FGF12: variants seen among roughly 807,000 people sequenced by gnomAD.
FGF12 encodes fibroblast growth factor 12.
FGF12 carries 14 observed loss-of-function variants against 23.6 expected under a neutral mutation model. That is an observed-to-expected ratio of 0.59 (90% CI 0.39 to 0.93). FGF12 has a LOEUF of 0.93. FGF12 is among the 40% of genes least tolerant of loss of function. FGF12 has a pLI of 0.00. For missense variants in FGF12, 175 were observed against 217.8 expected, an observed-to-expected ratio of 0.80 and a Z score of 1.24; for synonymous variants, 62 against 77.3, an observed-to-expected ratio of 0.80 and a Z score of 1.04.
intron 4 of FGF12, among the ~76,000 whole-genome samples, chr3:192,203,045 T>C (rs184047938): frequency 1.3e-5 from 2 of 152,256 alleles, no homozygotes; most frequent in East Asian, 3.9e-4. Flanking sequence ...TTTCAAAAAC[T>C]TCAGTCTATA....
chr3:192,678,862 C>A (rs1217477973), intron 2 of FGF12, among the ~76,000 whole-genome samples: 1 of 152,100 alleles, frequency 6.6e-6, no homozygotes, highest in Non-Finnish European at 1.5e-5. Context: ...ATGTGGAAGA[C>A]CTGGAATTCA....
intron 2 of FGF12, among the ~76,000 whole-genome samples, chr3:192,595,731 A>T (rs1713814779): frequency 6.6e-6 from 1 of 152,206 alleles, no homozygotes; most frequent in South Asian, 2.1e-4. Flanking sequence ...TTGGTAGATT[A>T]GAAGGCATTT....
chr3:192,315,533 T>C (rs1014605385), intron 4 of FGF12, among the ~76,000 whole-genome samples: 2 of 152,154 alleles, frequency 1.3e-5, no homozygotes, highest in African/African-American at 4.8e-5. Context: ...GTGAGTTATA[T>C]AAGGAGATAG....
chr3:192,224,482 C>A (rs569646194), intron 4 of FGF12, among the ~76,000 whole-genome samples: 1 of 152,026 alleles, frequency 6.6e-6, no homozygotes, highest in Admixed American at 6.6e-5. Flanking sequence ...TCTCTTAGAT[C>A]TGCCATTTTA....
rs999909203 is a variant in FGF12 at position 192,673,258 on chromosome 3, G to C, written c.13+53923C>G. The C allele has an allele frequency of 8.6e-5, 13 of 150,930 alleles. 3 individuals carry two copies. Among genetic ancestry groups the C allele is most frequent in the Non-Finnish European group, 1.9e-4 (13 of 67,438 alleles). The allele number at this position is 150,930 out of a possible 1,614,324, so 9.3% of individuals were successfully genotyped here. ...AGCATTAGAAAGGGGCAACCACAAA[G>C]AGGCCTGTGGTGCTGGCAAGAAAAA... On this transcript the variant is annotated intron_variant, in intron 2 of 5. Coordinates refer to ENST00000445105, the MANE Select transcript of FGF12 (RefSeq NM_004113.6).
chr3:192,275,856 C>T (rs1242851148), intron 4 of FGF12, among the ~76,000 whole-genome samples: 1 of 152,154 alleles, frequency 6.6e-6, no homozygotes, highest in African/African-American at 2.4e-5. Flanking sequence ...CCACATTGTT[C>T]AGATAACTCC....
At chr3:192,639,425 A>G (rs2108663054) in intron 2 of FGF12, among the ~76,000 whole-genome samples, 1 of 152,392 alleles carries the variant, frequency 6.6e-6, no homozygotes, top group Non-Finnish European at 1.5e-5. Flanking sequence ...TAGAATTACC[A>G]CAAGACCCAG....
chr3:192,602,685 T>C (rs1210608627), intron 2 of FGF12, among the ~76,000 whole-genome samples: 6 of 150,658 alleles, frequency 4.0e-5, no homozygotes, highest in Non-Finnish European at 8.9e-5. Context: ...TGTTTATGAG[T>C]ATCTGGCACT....
intron 2 of FGF12, among the ~76,000 whole-genome samples, chr3:192,573,665 CT>C (rs1335100215): frequency 1.3e-5 from 2 of 152,040 alleles, no homozygotes; most frequent in East Asian, 1.9e-4. Flanking sequence ...TAAAAATCTC[CT>C]ATTGGTTCCA....
chr3:192,434,553 G>A (rs990373975), intron 2 of FGF12, among the ~76,000 whole-genome samples: 9 of 152,170 alleles, frequency 5.9e-5, no homozygotes, highest in Non-Finnish European at 1.2e-4. Context: ...GTATGTGTGT[G>A]TGTGCATGTG....
intron 4 of FGF12, among the ~76,000 whole-genome samples, chr3:192,200,761 T>C (rs565984417): frequency 6.6e-6 from 1 of 152,358 alleles, no homozygotes; most frequent in South Asian, 2.1e-4. Context: ...CTCGACTCTT[T>C]ACAGCACCAT....
chr3:192,493,814 ACCACCCCCGTGAT>A (rs1049452055), intron 2 of FGF12, among the ~76,000 whole-genome samples: 1 of 151,684 alleles, frequency 6.6e-6, no homozygotes, highest in African/African-American at 2.4e-5. Flanking sequence ...ATCAGGAAAA[ACCACCCCCGTGAT>A]CCAATCACCT....
intron 4 of FGF12, among the ~76,000 whole-genome samples, chr3:192,259,757 C>T (rs575261814): frequency 5.3e-5 from 8 of 152,088 alleles, no homozygotes; most frequent in African/African-American, 1.7e-4. Context: ...GTTCTTACCA[C>T]AAAATAGTGG....
chr3:192,164,974 C>T (rs1040125384), intron 5 of FGF12, among the ~76,000 whole-genome samples: 1 of 151,938 alleles, frequency 6.6e-6, no homozygotes, highest in African/African-American at 2.4e-5. Context: ...ATTTTTGGGA[C>T]AGAATCTTTC....
chr3:192,438,967 C>G (rs946897946), intron 2 of FGF12, among the ~76,000 whole-genome samples: 1 of 152,196 alleles, frequency 6.6e-6, no homozygotes, highest in Non-Finnish European at 1.5e-5. Context: ...CCCACCTTGT[C>G]CTGAACTGCA....
intron 3 of FGF12, among the ~76,000 whole-genome samples, chr3:192,346,217 A>G (rs1405858047): frequency 6.6e-6 from 1 of 152,124 alleles, no homozygotes; most frequent in Non-Finnish European, 1.5e-5. Flanking sequence ...CTACAACATA[A>G]AGCTTACACT....
At chr3:192,523,531 C>G (rs1415082026) in intron 2 of FGF12, among the ~76,000 whole-genome samples, 1 of 152,060 alleles carries the variant, frequency 6.6e-6, no homozygotes, top group East Asian at 1.9e-4. Context: ...ATTAAAGACA[C>G]CAAAACAGTA....
Position 192,273,841 on chromosome 3 carries a change from C to T in FGF12, c.228+61520G>A, listed in dbSNP as rs1037149640. Among the ~76,000 whole-genome samples, 3 of 151,862 alleles carry T rather than the reference C, an allele frequency of 2.0e-5. 1 individual carries two copies. The highest frequency in any genetic ancestry group is 4.1e-4 in the South Asian group (2 of 4,828). On this transcript the variant is annotated intron_variant, in intron 4 of 5. Transcript: ENST00000445105. The stretch of plus-strand genomic sequence containing the variant: ...GGAACTGGTTTGTCTGCTTGCTGCC[C>T]GTGTCCTTCCTGCTCAGTGGACTGA...
intron 4 of FGF12, among the ~76,000 whole-genome samples, chr3:192,207,432 G>A (rs1289916724): frequency 6.6e-6 from 1 of 152,212 alleles, no homozygotes; most frequent in Non-Finnish European, 1.5e-5. Flanking sequence ...TGATATTTGA[G>A]CTGAAGCTTT....
Sources: gnomAD v4.1 joint callset for allele counts (sites outside exome capture counted in the v4.1 genomes callset) on GRCh38, gnomAD v4.1.1 for gene constraint, MANE v1.5 for transcripts, NCBI Gene and HGNC (gene_info 2026-07-23, HGNC 2026-07-21) for gene names.